AFF3: variants seen among roughly 807,000 people sequenced by gnomAD.
AFF3 encodes the protein AF4/FMR2 family member 3.
In AFF3, 32 loss-of-function variants were observed where a neutral mutation model predicts 129.7. The ratio of observed to expected loss-of-function variants is 0.25; its 90% CI spans 0.19 to 0.33. The LOEUF (loss-of-function observed/expected upper bound fraction) is 0.33. Ranked by LOEUF, AFF3 falls within the 10% of genes least tolerant of loss-of-function variation. AFF3 has a pLI of 1.00. For synonymous variants in AFF3, 644 were observed against 635.4 expected, an observed-to-expected ratio of 1.01 and a Z score of -0.20; for missense variants, 1,373 against 1,592.0, an observed-to-expected ratio of 0.86 and a Z score of 2.34.
intron 7 of AFF3, among the ~76,000 whole-genome samples, chr2:99,904,132 C>T (rs1042001496): frequency 3.3e-5 from 5 of 152,208 alleles, no homozygotes; most frequent in Middle Eastern, 3.4e-3. Context: ...TACCATCTGA[C>T]GCTCAGCTGG....
intron 4 of AFF3, among the ~76,000 whole-genome samples, chr2:100,087,020 A>AC (rs1407420826): frequency 6.6e-6 from 1 of 152,130 alleles, no homozygotes; most frequent in Non-Finnish European, 1.5e-5. Flanking sequence ...TTCATCAGTG[A>AC]CCCCCTGAAT....
intron 8 of AFF3, among the ~76,000 whole-genome samples, chr2:99,790,566 T>C (rs1468768832): frequency 6.6e-6 from 1 of 152,320 alleles, no homozygotes; most frequent in South Asian, 2.1e-4. Context: ...CAACTGAATT[T>C]TATAGCAGGT....
At chr2:99,900,005 C>A (rs1694234239) in intron 7 of AFF3, among the ~76,000 whole-genome samples, 1 of 152,134 alleles carries the variant, frequency 6.6e-6, no homozygotes, top group Non-Finnish European at 1.5e-5. Flanking sequence ...CACTTAACTG[C>A]ACTGCAATGA....
At chr2:100,028,558 A>T (rs1399900324) in intron 4 of AFF3, among the ~76,000 whole-genome samples, 3 of 152,202 alleles carry the variant, frequency 2.0e-5, no homozygotes, top group African/African-American at 7.2e-5. Context: ...GATAGTGTGC[A>T]TATACATATA....
At chr2:99,559,318 T>G (rs1675255133) in intron 21 of AFF3, among the ~76,000 whole-genome samples, 1 of 151,886 alleles carries the variant, frequency 6.6e-6, no homozygotes, top group African/African-American at 2.4e-5. Context: ...CAGCCTTCAC[T>G]GCTTCGCGGG....
intron 8 of AFF3, among the ~76,000 whole-genome samples, chr2:99,783,282 T>G (rs1684537462): frequency 6.6e-6 from 1 of 152,192 alleles, no homozygotes; most frequent in Admixed American, 6.5e-5. Flanking sequence ...GGGTTCCAAC[T>G]GTGGAGATTC....
At chr2:99,917,452 ACAGGG>A (rs1695549497) in intron 7 of AFF3, among the ~76,000 whole-genome samples, 1 of 152,116 alleles carries the variant, frequency 6.6e-6, no homozygotes, top group Non-Finnish European at 1.5e-5. Context: ...AACACTTATA[ACAGGG>A]AATGTGGATT....
At chr2:99,674,059 T>A (rs1687402612) in intron 11 of AFF3, among the ~76,000 whole-genome samples, 3 of 152,212 alleles carry the variant, frequency 2.0e-5, no homozygotes, top group Admixed American at 1.3e-4. Flanking sequence ...AACTTCTAAG[T>A]AGTTTTTAGG....
rs369129881 is a variant in AFF3 at position 100,080,434 on chromosome 2, AAAACAAAC to A, written c.53+23960_53+23967del. Among the ~76,000 whole-genome samples, 14 of 152,150 alleles carry A rather than the reference AAAACAAAC, an allele frequency of 9.2e-5. 1 individual carries two copies. The Middle Eastern group carries it at 0.01, about 111-fold the overall frequency. ...TTATCTGGGGCCTTAGCTGAAACTA[AAAACAAAC>A]AAACAAACAAACAAACAAAAACTCT... is the stretch of plus-strand genomic sequence containing the variant. On this transcript the variant is annotated intron_variant, in intron 4 of 24. Transcript: ENST00000672756.
chr2:99,898,300 G>C (rs566860248), intron 7 of AFF3, among the ~76,000 whole-genome samples: 1 of 152,126 alleles, frequency 6.6e-6, no homozygotes, highest in African/African-American at 2.4e-5. Flanking sequence ...AACGTCAAAC[G>C]CCATATGGGA....
At chr2:99,707,218 ATC>A in intron 11 of AFF3, 1 of 985,468 alleles carries the variant, frequency 1.0e-6, no homozygotes. Flanking sequence ...TTAAAAAGCC[ATC>A]TCCTACAGAA....
intron 8 of AFF3, among the ~76,000 whole-genome samples, chr2:99,808,480 A>G (rs1438244330): frequency 6.6e-6 from 1 of 152,198 alleles, no homozygotes; most frequent in Non-Finnish European, 1.5e-5. Context: ...CTGTATGAAA[A>G]TACAGAGTGA....
chr2:99,632,878 T>C (rs1683256802), intron 13 of AFF3, among the ~76,000 whole-genome samples: 1 of 152,150 alleles, frequency 6.6e-6, no homozygotes, highest in Admixed American at 6.5e-5. Flanking sequence ...ATTGTACACC[T>C]TATCACATCA....
chr2:99,944,803 G>A (rs1292115686), intron 7 of AFF3, among the ~76,000 whole-genome samples: 1 of 152,144 alleles, frequency 6.6e-6, no homozygotes, highest in Admixed American at 6.5e-5. Context: ...CCTATGTCCA[G>A]AAAGAGTTTT....
chr2:99,849,790 TG>T (rs1690014097), intron 7 of AFF3, among the ~76,000 whole-genome samples: 2 of 152,236 alleles, frequency 1.3e-5, no homozygotes, highest in South Asian at 2.1e-4. Flanking sequence ...TTTAGATTTC[TG>T]CAAGATTGAT....
intron 8 of AFF3, among the ~76,000 whole-genome samples, chr2:99,772,222 G>A (rs575440462): frequency 1.3e-5 from 2 of 152,322 alleles, no homozygotes; most frequent in African/African-American, 4.8e-5. Flanking sequence ...CGAGGTGGCA[G>A]GGGCCTGAGA....
intron 4 of AFF3, among the ~76,000 whole-genome samples, chr2:100,016,129 G>A (rs1034463802): frequency 6.6e-6 from 1 of 151,590 alleles, no homozygotes; most frequent in Non-Finnish European, 1.5e-5. Flanking sequence ...AATGGTGATG[G>A]TGGTGGTGAT....
chr2:99,720,939 CTTA>C (rs1678835581), intron 11 of AFF3, among the ~76,000 whole-genome samples: 1 of 152,066 alleles, frequency 6.6e-6, no homozygotes. Context: ...CTTGCCTTCC[CTTA>C]TTGTTTGTGC....
At chr2:99,724,033 A>G (rs1339234748) in intron 11 of AFF3, among the ~76,000 whole-genome samples, 7 of 152,128 alleles carry the variant, frequency 4.6e-5, no homozygotes, top group Admixed American at 4.6e-4. Context: ...AGCCTCCAGA[A>G]CCATGAGAAA....
Sources: gnomAD v4.1 joint callset for allele counts (sites outside exome capture counted in the v4.1 genomes callset) on GRCh38, gnomAD v4.1.1 for gene constraint, MANE v1.5 for transcripts, NCBI Gene and HGNC (gene_info 2026-07-23, HGNC 2026-07-21) for gene names.